NIBAN1: variants seen among roughly 807,000 people sequenced by gnomAD.
The protein encoded by NIBAN1 is niban apoptosis regulator 1.
In NIBAN1, 81 loss-of-function variants were observed where a neutral mutation model predicts 75.1. The ratio of observed to expected loss-of-function variants is 1.08; its 90% CI spans 0.90 to 1.30. The LOEUF is 1.30. Ranked by LOEUF, NIBAN1 falls within the 50% of genes most tolerant of loss-of-function variation. The pLI is 0.00. For missense variants in NIBAN1, 1,133 were observed against 1,128.1 expected (o/e 1.00, Z -0.06); for synonymous variants, 436 against 424.8 (o/e 1.03, Z -0.32).
rs1654609580 is a variant in NIBAN1, at chr1:184,818,776, T to A, written c.1035A>T (p.Pro345=). The change falls in exon 9 of 14, where the codon CCA becomes CCT. Residue 345 remains proline (P), a synonymous_variant. Transcript: ENST00000367511. ...GCTCCTCCAGGATGGATGCCAGGAA[T>A]GGCTGCACACTCTCCAAGCAGCTTT... ...AEKSCLESVQ[P]FLASILEELM... 1 of 1,611,914 alleles carries A rather than the reference T, an allele frequency of 6.2e-7. No individual in the cohort carries two copies. The highest frequency in any genetic ancestry group is 1.7e-5 in the Admixed American group (1 of 59,908).
At chr1:184,895,679 C>T (rs1018789760) in intron 2 of NIBAN1, among the ~76,000 whole-genome samples, 2 of 152,042 alleles carry the variant, frequency 1.3e-5, no homozygotes, top group Non-Finnish European at 2.9e-5. Flanking sequence ...GCATTGTACC[C>T]AATAGGTAAT....
At chr1:184,881,389 T>C (rs1656374693) in intron 5 of NIBAN1, among the ~76,000 whole-genome samples, 1 of 152,106 alleles carries the variant, frequency 6.6e-6, no homozygotes, top group Non-Finnish European at 1.5e-5. Flanking sequence ...GACCCAACAC[T>C]TCTGGCGCAA....
At chr1:184,936,881 T>A (rs1038703940) in intron 1 of NIBAN1, among the ~76,000 whole-genome samples, 1 of 152,124 alleles carries the variant, frequency 6.6e-6, no homozygotes, top group African/African-American at 2.4e-5. Flanking sequence ...TTGGGGAGCA[T>A]TCTTCAGCCC....
At chr1:184,943,265 G>A (rs1658140109) in intron 1 of NIBAN1, among the ~76,000 whole-genome samples, 1 of 152,134 alleles carries the variant, frequency 6.6e-6, no homozygotes, top group South Asian at 2.1e-4. Context: ...GCCTTCATTG[G>A]CCAACAAATG....
At chr1:184,893,007 G>T (rs1355875412) in intron 3 of NIBAN1, among the ~76,000 whole-genome samples, 1 of 152,070 alleles carries the variant, frequency 6.6e-6, no homozygotes, top group East Asian at 1.9e-4. Flanking sequence ...CCTGACCTCG[G>T]GTGATCCACC....
At chr1:184,896,271 C>G (rs1656799195) in intron 2 of NIBAN1, among the ~76,000 whole-genome samples, 1 of 152,046 alleles carries the variant, frequency 6.6e-6, no homozygotes, top group South Asian at 2.1e-4. Context: ...AAGATGATAT[C>G]TTGGTGTGGT....
chr1:184,915,919 C>T (rs1172023308), intron 1 of NIBAN1, among the ~76,000 whole-genome samples: 1 of 152,166 alleles, frequency 6.6e-6, no homozygotes, highest in Non-Finnish European at 1.5e-5. Context: ...GATTCTAGTC[C>T]ATTCCTGAAT....
chr1:184,955,071 G>A (rs1038108296), intron 1 of NIBAN1, among the ~76,000 whole-genome samples: 2 of 151,868 alleles, frequency 1.3e-5, no homozygotes, highest in Admixed American at 6.6e-5. Flanking sequence ...CCAATCATAG[G>A]GCCAAAATTG....
intron 1 of NIBAN1, among the ~76,000 whole-genome samples, chr1:184,956,821 A>G (rs576726777): frequency 6.6e-6 from 1 of 152,342 alleles, no homozygotes; most frequent in East Asian, 1.9e-4. Context: ...GTCTGGGTCC[A>G]CACACAAGCC....
rs2102168323 is a variant in NIBAN1, at chr1:184,791,156, T to G, written c.*3821A>C. 1 of 425,578 alleles carries G rather than the reference T, an allele frequency of 2.3e-6. No individual in the cohort carries two copies. The highest frequency in any genetic ancestry group is 4.8e-6 in the Non-Finnish European group (1 of 209,868). The allele number at this position is 425,578 out of a possible 1,614,324, so 26.4% of individuals were successfully genotyped here. A position where few individuals can be genotyped will look rare whatever the true frequency, so the allele number is the denominator to read the frequency against. On this transcript the variant is annotated 3_prime_UTR_variant, in exon 14 of 14. Transcript: ENST00000367511. ...AGTCAATCCACAGTGTCGATTTTTTTTCTTGAAGTTGCAGACTTTAGAAGG... is the reference window on the plus strand; with the variant it reads ...AGTCAATCCACAGTGTCGATTTTTTGTCTTGAAGTTGCAGACTTTAGAAGG...
In NIBAN1 at chr1:184,894,161, G is replaced by A; in HGVS notation, c.232C>T (p.Gln78Ter). Residue 78 changes from glutamine (Q) to a stop codon, truncating the protein, a stop_gained, in exon 3 of 14, where the codon CAA (glutamine) becomes TAA (stop). Coordinates refer to ENST00000367511, the MANE Select transcript of NIBAN1 (RefSeq NM_052966.4). LOFTEE classifies it high-confidence loss of function. ...GTILYEAELS[Q>*]FSEDIKKWKE... The stretch of plus-strand genomic sequence containing the variant: ...CACTTCTTTATGTCTTCAGAAAATT[G>A]TGATAGCTCTGCTTCATACAAAATA... 1 of 1,612,528 alleles carries A rather than the reference G, an allele frequency of 6.2e-7. No individual in the cohort carries two copies. Among genetic ancestry groups the A allele is most frequent in the Non-Finnish European group, 8.5e-7 (1 of 1,179,342 alleles).
intron 9 of NIBAN1, among the ~76,000 whole-genome samples, chr1:184,817,899 T>A (rs1277714754): frequency 6.6e-6 from 1 of 152,270 alleles, no homozygotes; most frequent in Non-Finnish European, 1.5e-5. Flanking sequence ...ACTCATAGAC[T>A]GCTGAATGTT....
At position 184,795,042 on chromosome 1, in the gene NIBAN1, T is replaced by C; in HGVS notation, c.2722A>G (p.Lys908Glu). ...APNPDVLLSH[K>E]DDVKEGEGGQ... ...CCTTCTCCCTCCTTCACGTCATCTTTGTGTGACAGCAGGACATCCGGGTTT... is the reference window on the plus strand; with the variant it reads ...CCTTCTCCCTCCTTCACGTCATCTTCGTGTGACAGCAGGACATCCGGGTTT... Residue 908 changes from lysine (K) to glutamate (E), a missense_variant, in exon 14 of 14, where the codon AAA becomes GAA. Coordinates refer to ENST00000367511, the MANE Select transcript of NIBAN1 (RefSeq NM_052966.4). The C allele has an allele frequency of 6.2e-7, 1 of 1,613,860 alleles. No individual in the cohort carries two copies. Among genetic ancestry groups the C allele is most frequent in the Non-Finnish European group, 8.5e-7 (1 of 1,180,032 alleles).
At chr1:184,887,107 C>T (rs368773331) in intron 4 of NIBAN1, among the ~76,000 whole-genome samples, 1 of 152,058 alleles carries the variant, frequency 6.6e-6, no homozygotes, top group East Asian at 1.9e-4. Flanking sequence ...GGTGACAGAG[C>T]GAAACTCCAT....
intron 9 of NIBAN1, among the ~76,000 whole-genome samples, chr1:184,809,154 A>T (rs1366729629): frequency 1.3e-5 from 2 of 152,124 alleles, no homozygotes; most frequent in Non-Finnish European, 2.9e-5. Context: ...GATAATCTAG[A>T]TTTCTAGATT....
rs150281722 is a variant in NIBAN1 at position 184,944,126 on chromosome 1, G to A, written c.55+30176C>T. On this transcript the variant is annotated intron_variant, in intron 1 of 13. Transcript: ENST00000367511. ...AGATATCCAAGTACCACTAGTGAAA[G>A]GAAACCCACTGCTGCCCTGGGAGGT... Among the ~76,000 whole-genome samples the A allele has an allele frequency of 3.3e-5, 5 of 152,308 alleles. No individual in the cohort carries two copies. The East Asian group carries it at 7.7e-4, about 24-fold the overall frequency.
chr1:184,820,046 A>C (rs1654649866), intron 8 of NIBAN1, among the ~76,000 whole-genome samples: 1 of 152,234 alleles, frequency 6.6e-6, no homozygotes, highest in South Asian at 2.1e-4. Context: ...GGGATGTAAA[A>C]TATTACACAA....
chr1:184,838,341 C>T (rs994185488), intron 5 of NIBAN1, among the ~76,000 whole-genome samples: 1 of 152,136 alleles, frequency 6.6e-6, no homozygotes, highest in Non-Finnish European at 1.5e-5. Flanking sequence ...CATCTGAAAA[C>T]CTGGTAAGTT....
At chr1:184,965,109 C>T (rs569892971) in intron 1 of NIBAN1, among the ~76,000 whole-genome samples, 2 of 152,274 alleles carry the variant, frequency 1.3e-5, no homozygotes, top group East Asian at 3.9e-4. Flanking sequence ...AACATCCTGG[C>T]TGACACGGTG....
Sources: allele counts gnomAD v4.1 joint callset (sites outside exome capture counted in the v4.1 genomes callset), GRCh38; gene constraint gnomAD v4.1.1; transcripts MANE v1.5; gene names NCBI Gene and HGNC (gene_info 2026-07-23, HGNC 2026-07-21).